SNX13: variants seen among roughly 807,000 people sequenced by gnomAD.
SNX13 encodes sorting nexin 13.
SNX13 carries 45 observed loss-of-function variants against 133.6 expected under a neutral mutation model. That is an observed-to-expected ratio of 0.34 (90% CI 0.27 to 0.43). The LOEUF is 0.43. Ranked by LOEUF, SNX13 falls within the 20% of genes least tolerant of loss-of-function variation. The probability of loss-of-function intolerance (pLI) is 1.00; values close to 1 mark genes in which losing one functional copy is unlikely to be tolerated. For synonymous variants in SNX13, 414 were observed against 373.9 expected, an observed-to-expected ratio of 1.11 and a Z score of -1.24; for missense variants, 1,032 against 1,145.1, an observed-to-expected ratio of 0.90 and a Z score of 1.43.
chr7:17,835,162 T>C (rs1165136940), intron 13 of SNX13, among the ~76,000 whole-genome samples: 1 of 151,908 alleles, frequency 6.6e-6, no homozygotes, highest in Non-Finnish European at 1.5e-5. Context: ...GAGATAATAC[T>C]ATATAAGGTT....
At position 17,801,587 on chromosome 7, in the gene SNX13, C is replaced by A; in HGVS notation, c.2298+1G>T. ...TACTACCAAGAATAAAATTAACTCACATTATCGTCAAGTTGAGCCGAAACT... is the reference window on the plus strand; with the variant it reads ...TACTACCAAGAATAAAATTAACTCAAATTATCGTCAAGTTGAGCCGAAACT... On this transcript the variant is annotated splice_donor_variant, in intron 22 of 25. Transcript: ENST00000428135. LOFTEE classifies it high-confidence loss of function. The A allele has an allele frequency of 6.2e-7, 1 of 1,604,046 alleles. No homozygotes were observed. The highest frequency in any genetic ancestry group is 8.5e-7 in the Non-Finnish European group (1 of 1,175,014).
At chr7:17,796,127 T>C (rs2128282331) in intron 25 of SNX13, 1 of 151,758 alleles carries the variant, frequency 6.6e-6, no homozygotes, top group Admixed American at 6.6e-5. Flanking sequence ...AAAACAACCA[T>C]CACCACCTCC....
At chr7:17,935,517 G>A (rs1003390072) in intron 1 of SNX13, among the ~76,000 whole-genome samples, 2 of 152,008 alleles carry the variant, frequency 1.3e-5, no homozygotes, top group Admixed American at 1.3e-4. Flanking sequence ...AAATAATCAA[G>A]GTGATATGTT....
chr7:17,821,107 T>G (rs576876097), intron 18 of SNX13, among the ~76,000 whole-genome samples: 52 of 152,178 alleles, frequency 3.4e-4, no homozygotes, highest in Non-Finnish European at 2.6e-4. Context: ...TGGATTAAAC[T>G]GCCATTTAAA....
At chr7:17,888,294 T>C (rs1224031075) in intron 5 of SNX13, 3 of 170,178 alleles carry the variant, frequency 1.8e-5, no homozygotes, top group Non-Finnish European at 2.5e-5. Context: ...TTTAGATCAG[T>C]GTAGGATGGA....
In SNX13 at chr7:17,839,898, C is replaced by T. The variant is rs763872572; in HGVS notation, c.1268G>A (p.Arg423His). 29 of 1,611,860 alleles carry T rather than the reference C, an allele frequency of 1.8e-5. No individual in the cohort carries two copies. Among genetic ancestry groups the T allele is most frequent in the Middle Eastern group, 1.6e-4 (1 of 6,074 alleles). The change falls in exon 13 of 26, where the codon CGT (arginine) becomes CAT (histidine). Residue 423 changes from arginine to histidine, a missense_variant. Coordinates refer to ENST00000428135, the MANE Select transcript of SNX13 (RefSeq NM_015132.5). ...GGTTTGATGTTTTCCATCTCTCTGA[C>T]GACTTAATAAAACTTCTAGCTGCTG... ...AQQQLEVLLSRQRDGKHQTNQ... is the reference protein window; with the variant it reads ...AQQQLEVLLSHQRDGKHQTNQ...
chr7:17,938,626 G>A (rs149580900), intron 1 of SNX13, among the ~76,000 whole-genome samples: 2 of 152,308 alleles, frequency 1.3e-5, no homozygotes, highest in Admixed American at 6.5e-5. Context: ...TTGATTTACT[G>A]TTTAAAATAT....
chr7:17,880,067 A>C (rs1795167602), intron 5 of SNX13: 1 of 152,220 alleles, frequency 6.6e-6, no homozygotes, highest in East Asian at 1.9e-4. Context: ...CAATTATATA[A>C]ATCTTCCTGT....
intron 1 of SNX13, among the ~76,000 whole-genome samples, chr7:17,932,330 G>T (rs1801472074): frequency 6.6e-6 from 1 of 151,996 alleles, no homozygotes; most frequent in East Asian, 1.9e-4. Context: ...AAAGCCTCAG[G>T]TTCAACTTTT....
intron 9 of SNX13, among the ~76,000 whole-genome samples, chr7:17,854,081 G>A (rs907214599): frequency 3.9e-5 from 6 of 152,202 alleles, no homozygotes; most frequent in Admixed American, 6.5e-5. Context: ...GAAGGGTACT[G>A]AAAACACTAA....
chr7:17,916,015 C>CA (rs1799521366), intron 1 of SNX13, among the ~76,000 whole-genome samples: 1 of 152,014 alleles, frequency 6.6e-6, no homozygotes, highest in East Asian at 1.9e-4. Flanking sequence ...CTCAAAACCA[C>CA]AAAAAAATAC....
intron 2 of SNX13, among the ~76,000 whole-genome samples, chr7:17,895,572 T>C (rs375174870): frequency 1.3e-5 from 2 of 152,174 alleles, no homozygotes; most frequent in South Asian, 2.1e-4. Context: ...TAGAGTTTTT[T>C]AGTACCCATT....
intron 1 of SNX13, among the ~76,000 whole-genome samples, chr7:17,937,674 A>G (rs1169236187): frequency 6.6e-6 from 1 of 152,200 alleles, no homozygotes; most frequent in African/African-American, 2.4e-5. Context: ...TATCAGCTAC[A>G]AAGAAAATTA....
rs745327429 is a variant in SNX13, at chr7:17,940,493, G to C, written c.-198C>G. The C allele has an allele frequency of 2.8e-6, 2 of 711,530 alleles. No homozygotes were observed. The highest frequency in any genetic ancestry group is 3.0e-5 in the South Asian group (2 of 67,646). 44.1% of individuals were successfully genotyped at this position (711,530 alleles called of 1,614,324 possible). On this transcript the variant is annotated 5_prime_UTR_variant, in exon 1 of 26. Transcript: ENST00000428135. The stretch of plus-strand genomic sequence containing the variant: ...ACGGACGCGCCGCCATCTTGGAAGA[G>C]CGACGTCCGCGTCTCGCTGCAACGT...
chr7:17,798,668 G>C (rs576369274), intron 24 of SNX13, 22 bp downstream of exon 24: 3 of 1,537,338 alleles, frequency 2.0e-6, no homozygotes, highest in African/African-American at 2.7e-5. Flanking sequence ...CCTGAAAGAA[G>C]TGACTGTGTC....
chr7:17,911,411 G>C (rs113689662), intron 1 of SNX13, among the ~76,000 whole-genome samples: 11,811 of 152,206 alleles, frequency 0.078, 640 homozygotes, highest in Middle Eastern at 0.13. Context: ...GGCTAAGGCA[G>C]GCAGATCACT....
intron 18 of SNX13, among the ~76,000 whole-genome samples, chr7:17,817,995 C>A (rs1163144983): frequency 6.6e-6 from 1 of 152,084 alleles, no homozygotes; most frequent in African/African-American, 2.4e-5. Context: ...AAATGAGCCC[C>A]TTAGGGTGGG....
At chr7:17,871,093 C>A (rs918065140) in intron 8 of SNX13, among the ~76,000 whole-genome samples, 5 of 151,890 alleles carry the variant, frequency 3.3e-5, no homozygotes, top group African/African-American at 1.2e-4. Context: ...GCAAGCTCCG[C>A]CTCCCGGGTT....
At chr7:17,884,442 G>C (rs1307778281) in intron 5 of SNX13, among the ~76,000 whole-genome samples, 1 of 151,996 alleles carries the variant, frequency 6.6e-6, no homozygotes, top group Non-Finnish European at 1.5e-5. Flanking sequence ...TCTATTCTTT[G>C]TGTTCTTATG....
Sources: allele counts gnomAD v4.1 joint callset (sites outside exome capture counted in the v4.1 genomes callset), GRCh38; gene constraint gnomAD v4.1.1; transcripts MANE v1.5; gene names NCBI Gene and HGNC (gene_info 2026-07-23, HGNC 2026-07-21).